Variants in SMARCC1 observed in about 807,000 individuals in gnomAD.
SMARCC1 encodes SWI/SNF related BAF chromatin remodeling complex subunit C1.
Under a neutral mutation model 147.4 loss-of-function variants are expected in SMARCC1, and 43 were observed. That is an observed-to-expected ratio of 0.29 (90% CI 0.23 to 0.38). SMARCC1 has a LOEUF of 0.38. Ranked by LOEUF, SMARCC1 falls within the 10% of genes least tolerant of loss-of-function variation. The pLI is 1.00. For missense variants in SMARCC1, 1,119 were observed against 1,381.1 expected, an observed-to-expected ratio of 0.81 and a Z score of 3.01; for synonymous variants, 495 against 484.4, an observed-to-expected ratio of 1.02 and a Z score of -0.29.
At chr3:47,762,142 G>C (rs2034781019) in intron 2 of SMARCC1, among the ~76,000 whole-genome samples, 1 of 152,112 alleles carries the variant, frequency 6.6e-6, no homozygotes, top group African/African-American at 2.4e-5. Flanking sequence ...GGACTATTAA[G>C]AAAAATTGTT....
At position 47,678,911 on chromosome 3, in the gene SMARCC1, AT is replaced by A. The variant is rs1205355459; in HGVS notation, c.1458-601del. ...TCTGTATTTCACACATGTCATGTGG[AT>A]TTGGCTCTGCAAATAGCTATGTAAT... On this transcript the variant is annotated intron_variant, in intron 15 of 27. Transcript: ENST00000254480. Among the ~76,000 whole-genome samples, 4 of 152,318 alleles carry A rather than the reference AT, an allele frequency of 2.6e-5. No individual in the cohort carries two copies. The East Asian group carries it at 7.7e-4, about 29-fold the overall frequency.
In SMARCC1 at chr3:47,729,056, G is replaced by A. The variant is rs138175768; in HGVS notation, c.615C>T (p.His205=). 5.5e-5 allele frequency: 89 copies of A among 1,612,474 alleles called. No homozygotes were observed. In the African/African-American group the frequency reaches 9.9e-4, roughly 18 times the overall value. Residue 205 remains histidine (H), a synonymous_variant, in exon 6 of 28, where the codon CAC becomes CAT. Coordinates refer to ENST00000254480, the MANE Select transcript of SMARCC1 (RefSeq NM_003074.4). The stretch of plus-strand genomic sequence containing the variant: ...CTTGTGAGGAAGAATATGGGTAAAT[G>A]TGGTGGGAAGCTTTTGACTTCTCAT... ...FTDEKSKASH[H]IYPYSSSQDD...
intron 24 of SMARCC1, among the ~76,000 whole-genome samples, chr3:47,624,647 T>C (rs2032782023): frequency 6.6e-6 from 1 of 152,128 alleles, no homozygotes; most frequent in African/African-American, 2.4e-5. Context: ...AGGTATGTGT[T>C]CTAGCTCAAG....
chr3:47,692,853 ACTAAAAATACAAAAATTAG>A (rs2033806790), intron 12 of SMARCC1, among the ~76,000 whole-genome samples: 2 of 152,188 alleles, frequency 1.3e-5, no homozygotes, highest in South Asian at 4.1e-4. Context: ...CCCCGTCTCT[ACTAAAAATACAAAAATTAG>A]CTGGGCGTGG....
At position 47,670,679 on chromosome 3, in the gene SMARCC1, C is replaced by G; in HGVS notation, c.1878G>C (p.Gln626His). 1 of 1,590,170 alleles carries G rather than the reference C, an allele frequency of 6.3e-7. No individual in the cohort carries two copies. Among genetic ancestry groups the G allele is most frequent in the East Asian group, 2.2e-5 (1 of 44,780 alleles). ...TTACCTCCAGGAGTAGAAGGGTCTCCTGTTCAGTCCATTCTCTTCCAGCAC... is the reference window on the plus strand; with the variant it reads ...TTACCTCCAGGAGTAGAAGGGTCTCGTGTTCAGTCCATTCTCTTCCAGCAC... ...GASAGREWTE[Q>H]ETLLLLEALE... The change falls in exon 19 of 28, where the codon CAG (glutamine) becomes CAC (histidine). Residue 626 changes from glutamine (Q) to histidine (H), a missense_variant. Coordinates refer to ENST00000254480, the MANE Select transcript of SMARCC1 (RefSeq NM_003074.4).
At chr3:47,661,257 A>G (rs2033342673) in intron 21 of SMARCC1, 37 bp downstream of exon 21, 1 of 1,555,046 alleles carries the variant, frequency 6.4e-7, no homozygotes, top group Non-Finnish European at 8.7e-7. Context: ...ATACAAACAT[A>G]TATTAACCCT....
At chr3:47,662,145 C>T (rs2033355199) in intron 20 of SMARCC1, among the ~76,000 whole-genome samples, 189 bp downstream of exon 20, 1 of 152,118 alleles carries the variant, frequency 6.6e-6, no homozygotes, top group Non-Finnish European at 1.5e-5. Flanking sequence ...TAGGCATGTG[C>T]CACCACACCC....
At chr3:47,711,484 C>T (rs539037034) in intron 8 of SMARCC1, among the ~76,000 whole-genome samples, 1 of 152,280 alleles carries the variant, frequency 6.6e-6, no homozygotes, top group South Asian at 2.1e-4. Flanking sequence ...TGGAATTTGA[C>T]ACTAGAAAAT....
At chr3:47,663,561 C>A in intron 19 of SMARCC1, 2 of 1,235,214 alleles carry the variant, frequency 1.6e-6, no homozygotes, top group Non-Finnish European at 2.3e-6. Flanking sequence ...GCCTGACAAA[C>A]ACAGCAAGAC....
At chr3:47,640,997 C>T (rs1559632482) in intron 21 of SMARCC1, among the ~76,000 whole-genome samples, 1 of 152,114 alleles carries the variant, frequency 6.6e-6, no homozygotes, top group Non-Finnish European at 1.5e-5. Flanking sequence ...ATTATAAGCT[C>T]CTGGAAAATC....
In SMARCC1 at chr3:47,638,773, A is replaced by C; in HGVS notation, c.2328T>G (p.Ala776=). The change falls in exon 22 of 28, where the codon GCT becomes GCG. Residue 776 remains alanine, a synonymous_variant. Coordinates refer to ENST00000254480, the MANE Select transcript of SMARCC1 (RefSeq NM_003074.4). The part of the protein sequence containing the change: ...GPDEPEKLEG[A]EEEKMEADPD... The stretch of plus-strand genomic sequence containing the variant: ...GGTCGGCTTCCATTTTTTCCTCTTC[A>C]GCTCCTTCTACAAGTAAAAGAATAA... 6.2e-7 allele frequency: 1 copy of C among 1,611,648 alleles called. No individual in the cohort carries two copies. The highest frequency in any genetic ancestry group is 8.5e-7 in the Non-Finnish European group (1 of 1,177,670).
intron 26 of SMARCC1, among the ~76,000 whole-genome samples, chr3:47,597,476 G>C (rs1279593326): frequency 6.6e-6 from 1 of 151,954 alleles, no homozygotes; most frequent in Non-Finnish European, 1.5e-5. Flanking sequence ...ACAGGCACCC[G>C]CCACCACGCC....
rs1311402199 is a variant in SMARCC1, at chr3:47,636,441, T to TA, written c.2377-306dup. Among the ~76,000 whole-genome samples, 3 of 152,306 alleles carry TA rather than the reference T, an allele frequency of 2.0e-5. No homozygotes were observed. In the East Asian group the frequency reaches 5.8e-4, roughly 29 times the overall value. The stretch of plus-strand genomic sequence containing the variant: ...GAGGAATGTGAAGGGAATTAACTGA[T>TA]ATTTTTGTTGATTAAAAACAGGCCG... On this transcript the variant is annotated intron_variant, in intron 22 of 27. Transcript: ENST00000254480.
intron 24 of SMARCC1, among the ~76,000 whole-genome samples, chr3:47,633,779 T>TATATATACACACACAC (rs1367543059): frequency 3.5e-5 from 1 of 28,878 alleles, no homozygotes; most frequent in Non-Finnish European, 6.9e-5. Flanking sequence ...TATATATATA[T>TATATATACACACACAC]ACACACACAC....
At chr3:47,698,043 C>T (rs2033875114) in intron 11 of SMARCC1, among the ~76,000 whole-genome samples, 1 of 102,828 alleles carries the variant, frequency 9.7e-6, no homozygotes, top group African/African-American at 3.1e-5. Context: ...AGATAAATAT[C>T]CTCCACAAAT....
intron 13 of SMARCC1, among the ~76,000 whole-genome samples, chr3:47,687,497 A>T (rs2106770705): frequency 6.6e-6 from 1 of 152,330 alleles, no homozygotes; most frequent in South Asian, 2.1e-4. Flanking sequence ...AGCTTTAGAG[A>T]CACTACCTCT....
intron 21 of SMARCC1, among the ~76,000 whole-genome samples, chr3:47,642,861 C>A (rs1260573839): frequency 6.6e-6 from 1 of 152,120 alleles, no homozygotes; most frequent in Non-Finnish European, 1.5e-5. Flanking sequence ...CTCTAGGCAA[C>A]ATTGTCAGAC....
chr3:47,718,989 G>A (rs772726780), intron 7 of SMARCC1, among the ~76,000 whole-genome samples: 13 of 151,992 alleles, frequency 8.6e-5, no homozygotes, highest in Non-Finnish European at 1.9e-4. Context: ...CTCGGCTCAC[G>A]GCAAGCTCCG....
intron 18 of SMARCC1, among the ~76,000 whole-genome samples, chr3:47,672,389 G>A (rs202063940): frequency 2.6e-5 from 4 of 152,052 alleles, no homozygotes; most frequent in Admixed American, 1.3e-4. Context: ...TGTATTTTTA[G>A]TAGAGACAGG....
Sources: allele counts gnomAD v4.1 joint callset (sites outside exome capture counted in the v4.1 genomes callset), GRCh38; gene constraint gnomAD v4.1.1; transcripts MANE v1.5; gene names NCBI Gene and HGNC (gene_info 2026-07-23, HGNC 2026-07-21).